ANKRD12: variants seen among roughly 807,000 people sequenced by gnomAD.
ANKRD12 encodes the protein ankyrin repeat domain 12.
Under a neutral mutation model 183.4 loss-of-function variants are expected in ANKRD12, and 85 were observed. The ratio of observed to expected loss-of-function variants is 0.46; its 90% CI spans 0.39 to 0.56. The LOEUF is 0.56. Ranked by LOEUF, ANKRD12 falls within the 20% of genes least tolerant of loss-of-function variation. The pLI is 0.00. For synonymous variants in ANKRD12, 914 were observed against 800.2 expected, an observed-to-expected ratio of 1.14 and a Z score of -2.40; for missense variants, 2,405 against 2,357.1, an observed-to-expected ratio of 1.02 and a Z score of -0.42.
chr18:9,161,873 C>T (rs9646498), intron 1 of ANKRD12, among the ~76,000 whole-genome samples: 119,412 of 151,384 alleles, frequency 0.79, 47,268 homozygotes, highest in Middle Eastern at 0.88. Flanking sequence ...TTATTTATAA[C>T]GTTTTTTAGA....
chr18:9,191,513 G>A (rs921924148), intron 2 of ANKRD12, among the ~76,000 whole-genome samples: 7 of 151,984 alleles, frequency 4.6e-5, no homozygotes, highest in African/African-American at 1.7e-4. Context: ...GCACAGACCT[G>A]TATCTTATGT....
In ANKRD12 at chr18:9,209,921, G is replaced by GAC. The variant is rs563765177; in HGVS notation, c.451+1119_451+1120dup. Among the ~76,000 whole-genome samples the GAC allele has an allele frequency of 1.2e-4, 18 of 152,200 alleles. No homozygotes were observed. In the South Asian group the frequency reaches 3.1e-3, roughly 26 times the overall value. The stretch of plus-strand genomic sequence containing the variant: ...CTCCAATCACCTCCCCTCAAGAGGT[G>GAC]ACCACTGTTAACAGTTTCTTATCTT... On this transcript the variant is annotated intron_variant, in intron 5 of 12. Transcript: ENST00000262126.
intron 1 of ANKRD12, among the ~76,000 whole-genome samples, chr18:9,177,255 T>G (rs1567880672): frequency 6.6e-6 from 1 of 152,172 alleles, no homozygotes; most frequent in Non-Finnish European, 1.5e-5. Flanking sequence ...TTCTTAGCCG[T>G]ATGAAGATAA....
chr18:9,190,653 T>A lies in ANKRD12; in HGVS notation c.88-4898T>A, dbSNP rs149978545. Among the ~76,000 whole-genome samples the A allele has an allele frequency of 1.1e-3, 166 of 152,248 alleles. No individual in the cohort carries two copies. The East Asian group carries it at 0.017, about 16-fold the overall frequency. ...AATAGCCACCCCAACCATCAAAAAT[T>A]GTCCTGATCAGCAAACAGCCATCAA... is the stretch of plus-strand genomic sequence containing the variant. On this transcript the variant is annotated intron_variant, in intron 2 of 12. Transcript: ENST00000262126.
chr18:9,229,019 T>TC (rs1389737820), intron 8 of ANKRD12, among the ~76,000 whole-genome samples: 1 of 152,210 alleles, frequency 6.6e-6, no homozygotes, highest in Non-Finnish European at 1.5e-5. Context: ...GTTTCATTCT[T>TC]CTGCATATGG....
At chr18:9,221,794 G>T in intron 7 of ANKRD12, 58 bp from the exon 8 acceptor site, 2 of 1,554,520 alleles carry the variant, frequency 1.3e-6, no homozygotes, top group East Asian at 2.3e-5. Context: ...TCAAGAGAAT[G>T]GGTGCAGTGA....
intron 8 of ANKRD12, among the ~76,000 whole-genome samples, chr18:9,250,872 TAAG>T (rs2038251984): frequency 6.6e-6 from 1 of 152,200 alleles, no homozygotes; most frequent in Non-Finnish European, 1.5e-5. Context: ...CTTTAAGCAG[TAAG>T]AGGAAGCAGT....
chr18:9,174,849 A>C (rs1218548316), intron 1 of ANKRD12, among the ~76,000 whole-genome samples: 2 of 101,202 alleles, frequency 2.0e-5, no homozygotes, highest in African/African-American at 5.7e-5. Context: ...GAATAATCCC[A>C]GTGCTTTGTG....
At chr18:9,225,932 A>G (rs1359734684) in intron 8 of ANKRD12, among the ~76,000 whole-genome samples, 1 of 151,800 alleles carries the variant, frequency 6.6e-6, no homozygotes, top group Non-Finnish European at 1.5e-5. Context: ...TCACATATCT[A>G]TCCATCAATC....
chr18:9,260,284 A>G (rs965104365), intron 9 of ANKRD12: 10 of 152,138 alleles, frequency 6.6e-5, no homozygotes, highest in Admixed American at 6.5e-5. Flanking sequence ...GATAACAATA[A>G]CTGTAATCCC....
At chr18:9,274,094 G>C (rs1161620182) in intron 10 of ANKRD12, among the ~76,000 whole-genome samples, 1 of 152,194 alleles carries the variant, frequency 6.6e-6, no homozygotes, top group African/African-American at 2.4e-5. Flanking sequence ...CCCTGTCACT[G>C]GTCACAAGAA....
chr18:9,213,500 T>G (rs971850665), intron 6 of ANKRD12, among the ~76,000 whole-genome samples: 3 of 151,922 alleles, frequency 2.0e-5, no homozygotes, highest in Non-Finnish European at 4.4e-5. Flanking sequence ...TCCTTAGTAA[T>G]AGGAACTCGT....
Position 9,284,985 on chromosome 18 carries a change from T to C in ANKRD12, c.*3859T>C, listed in dbSNP as rs1333182726. ...ACTTTGGGAGGCCAAGGCGGGCGGA[T>C]CACGAGGTCAGGAGATCGAGACCAT... is the stretch of plus-strand genomic sequence containing the variant. On this transcript the variant is annotated 3_prime_UTR_variant, in exon 13 of 13. Coordinates refer to ENST00000262126, the MANE Select transcript of ANKRD12 (RefSeq NM_015208.5). 6.6e-6 allele frequency: 1 copy of C among 152,058 alleles called. No individual in the cohort carries two copies. The highest frequency in any genetic ancestry group is 1.5e-5 in the Non-Finnish European group (1 of 68,000). The allele number at this position is 152,058 out of a possible 1,614,324, so 9.4% of individuals were successfully genotyped here.
intron 1 of ANKRD12, among the ~76,000 whole-genome samples, chr18:9,145,553 C>T (rs1436755641): frequency 1.3e-5 from 2 of 152,140 alleles, no homozygotes; most frequent in Non-Finnish European, 2.9e-5. Context: ...TGTAAAGACA[C>T]GAATCATTCT....
At chr18:9,224,427 A>C (rs2036596754) in intron 8 of ANKRD12, among the ~76,000 whole-genome samples, 1 of 152,166 alleles carries the variant, frequency 6.6e-6, no homozygotes, top group Admixed American at 6.5e-5. Flanking sequence ...TTAAGCCAGC[A>C]AAATCTTGAT....
intron 10 of ANKRD12, among the ~76,000 whole-genome samples, chr18:9,267,128 A>G (rs573186818): frequency 5.3e-5 from 8 of 152,210 alleles, no homozygotes; most frequent in African/African-American, 1.9e-4. Context: ...AAGTCCTTAG[A>G]GACCTAGAAA....
rs1420826381 is a variant in ANKRD12, at chr18:9,255,278, G to A, written c.2011G>A (p.Gly671Ser). ...AGAAAAGCATAAAAAAGAAATTGAA[G>A]GTGAAAAGGAAAAATACAAAACTAA... ...EKEKHKKEIEGEKEKYKTKDS... is the reference protein window; with the variant it reads ...EKEKHKKEIESEKEKYKTKDS... Residue 671 changes from glycine to serine, a missense_variant, in exon 9 of 13, where the codon GGT becomes AGT. Gly to Ser is a moderately conservative substitution (Grantham distance 56). Around this residue, in one of 7 missense-constraint regions of ANKRD12, gnomAD observed 1,983 missense variants for 1,725.9 expected, o/e 1.15. Transcript: ENST00000262126. The A allele has an allele frequency of 6.4e-7, 1 of 1,572,442 alleles. No individual in the cohort carries two copies. Among genetic ancestry groups the A allele is most frequent in the Non-Finnish European group, 8.6e-7 (1 of 1,167,662 alleles).
intron 3 of ANKRD12, among the ~76,000 whole-genome samples, chr18:9,199,157 A>G (rs984862350): frequency 1.3e-5 from 2 of 151,996 alleles, no homozygotes; most frequent in Non-Finnish European, 2.9e-5. Flanking sequence ...AGTCAGGCTT[A>G]GTGGTGTGTG....
At chr18:9,241,479 A>G (rs1208517016) in intron 8 of ANKRD12, among the ~76,000 whole-genome samples, 1 of 152,202 alleles carries the variant, frequency 6.6e-6, no homozygotes, top group Non-Finnish European at 1.5e-5. Context: ...AAGCAGGACT[A>G]TTAGCTACCT....
Sources: allele counts gnomAD v4.1 joint callset (sites outside exome capture counted in the v4.1 genomes callset), GRCh38; gene constraint gnomAD v4.1.1; regional missense constraint gnomAD v4.1.1; transcripts MANE v1.5; gene names NCBI Gene and HGNC (gene_info 2026-07-23, HGNC 2026-07-21).